Variants in CACNA1I observed in about 807,000 individuals in gnomAD.
CACNA1I encodes voltage-dependent T-type calcium channel subunit alpha-1I.
Under a neutral mutation model 201.6 loss-of-function variants are expected in CACNA1I, and 74 were observed. That is an observed-to-expected ratio of 0.37 (90% CI 0.30 to 0.45). The LOEUF is 0.45. Ranked by LOEUF, CACNA1I falls within the 20% of genes least tolerant of loss-of-function variation. The probability of loss-of-function intolerance (pLI) is 1.00; values close to 1 mark genes in which losing one functional copy is unlikely to be tolerated. For synonymous variants in CACNA1I, 1,431 were observed against 1,345.2 expected, an observed-to-expected ratio of 1.06 and a Z score of -1.40; for missense variants, 2,346 against 3,138.1, an observed-to-expected ratio of 0.75 and a Z score of 6.03.
chr22:39,625,296 C>T (rs956027508), intron 4 of CACNA1I, among the ~76,000 whole-genome samples: 11 of 152,142 alleles, frequency 7.2e-5, no homozygotes, highest in African/African-American at 1.2e-4. Context: ...AGTCAAATGA[C>T]GGGTTATTAA....
chr22:39,588,933 G>T (rs751671743), intron 1 of CACNA1I, among the ~76,000 whole-genome samples: 2 of 152,350 alleles, frequency 1.3e-5, no homozygotes, highest in Middle Eastern at 3.4e-3. Flanking sequence ...GCTGTTGTGT[G>T]TTTCAGTTGC....
intron 10 of CACNA1I, among the ~76,000 whole-genome samples, chr22:39,650,478 C>G (rs1023328995): frequency 5.3e-5 from 8 of 152,282 alleles, no homozygotes; most frequent in African/African-American, 9.6e-5. Context: ...CCATTCCCCC[C>G]CAAACAGCTG....
intron 5 of CACNA1I, among the ~76,000 whole-genome samples, chr22:39,640,303 TG>T (rs1004632024): frequency 6.6e-6 from 1 of 151,968 alleles, no homozygotes; most frequent in Non-Finnish European, 1.5e-5. Flanking sequence ...ACAGGAGAAT[TG>T]CTTGAACCCA....
chr22:39,663,546 C>T (rs184684049), intron 18 of CACNA1I, among the ~76,000 whole-genome samples, 172 bp from the exon 19 acceptor site: 3 of 152,242 alleles, frequency 2.0e-5, no homozygotes, highest in South Asian at 2.1e-4. Context: ...GAGGAGGCAG[C>T]GCCAGGTGGG....
At chr22:39,578,158 T>C (rs1569044428) in intron 1 of CACNA1I, among the ~76,000 whole-genome samples, 1 of 152,006 alleles carries the variant, frequency 6.6e-6, no homozygotes, top group Non-Finnish European at 1.5e-5. Flanking sequence ...CCTGGAGAGC[T>C]GTAAGTGTGT....
Position 39,659,499 on chromosome 22 carries a change from C to G in CACNA1I, c.2397C>G (p.Pro799=). ...GCACGGACACTGGAGACACGGTGCC[C>G]GACAGGAAGAACTTCGACTCCCTGC... ...SLRTDTGDTV[P]DRKNFDSLLW... The change falls in exon 13 of 37, where the codon CCC becomes CCG. Residue 799 remains proline (P), a synonymous_variant. Transcript: ENST00000402142. This position sits in a 1 kb window ranked among gnomAD's most constrained non-coding sequence, Gnocchi z 4.3. 6.3e-7 allele frequency: 1 copy of G among 1,591,656 alleles called. No homozygotes were observed. The highest frequency in any genetic ancestry group is 8.6e-7 in the Non-Finnish European group (1 of 1,168,256).
intron 1 of CACNA1I, among the ~76,000 whole-genome samples, chr22:39,573,843 G>A (rs1022993902): frequency 5.9e-5 from 9 of 152,190 alleles, no homozygotes; most frequent in African/African-American, 1.9e-4. Flanking sequence ...CTGGTTTCGG[G>A]AGGAGCTGGG....
chr22:39,616,095 G>A (rs964129842), intron 3 of CACNA1I, among the ~76,000 whole-genome samples: 1 of 152,182 alleles, frequency 6.6e-6, no homozygotes, highest in Non-Finnish European at 1.5e-5. Flanking sequence ...TTCCCGTGCT[G>A]AAGACCCAGA....
intron 1 of CACNA1I, among the ~76,000 whole-genome samples, chr22:39,582,213 A>T (rs1411162803): frequency 6.6e-6 from 1 of 152,186 alleles, no homozygotes; most frequent in African/African-American, 2.4e-5. Flanking sequence ...TTCACCAAGT[A>T]CAAGCTTGAC....
intron 5 of CACNA1I, among the ~76,000 whole-genome samples, chr22:39,635,909 C>T (rs1181711757): frequency 2.0e-5 from 3 of 152,180 alleles, no homozygotes; most frequent in Non-Finnish European, 2.9e-5. Context: ...CTCGCCATCA[C>T]ACAGCCCTGC....
In CACNA1I at chr22:39,659,925, G is replaced by C. The variant is rs146891733; in HGVS notation, c.2604+73G>C. On this transcript the variant is annotated intron_variant, in intron 14 of 36. Coordinates refer to ENST00000402142, the MANE Select transcript of CACNA1I (RefSeq NM_021096.4). The surrounding 1 kb of genome is among the most constrained non-coding windows in gnomAD (Gnocchi z 4.3). ...GACTGGGCGAGGGAGAGGTGGCCTG[G>C]ATGGGGGAGGGCTGCAATTCAAACT... 1.2e-3 allele frequency: 1,876 copies of C among 1,565,466 alleles called. 3 individuals are homozygous for C. Among genetic ancestry groups the C allele is most frequent in the Non-Finnish European group, 1.5e-3 (1,693 of 1,139,466 alleles).
intron 1 of CACNA1I, among the ~76,000 whole-genome samples, chr22:39,593,296 A>C (rs1213517879): frequency 6.6e-6 from 1 of 151,958 alleles, no homozygotes; most frequent in African/African-American, 2.4e-5. Flanking sequence ...TCCCCAGGGG[A>C]TTGTGAGAGC....
In CACNA1I at chr22:39,639,082, C is replaced by T. The variant is rs987328744; in HGVS notation, c.741-1785C>T. Among the ~76,000 whole-genome samples, 4 of 152,236 alleles carry T rather than the reference C, an allele frequency of 2.6e-5. No homozygotes were observed. In the East Asian group the frequency reaches 5.8e-4, roughly 22 times the overall value. ...TTTGTATGTTGCGAATACTTAATCCCATTCAACAGCAAACTATGGCCTGTT... is the reference window on the plus strand; with the variant it reads ...TTTGTATGTTGCGAATACTTAATCCTATTCAACAGCAAACTATGGCCTGTT... On this transcript the variant is annotated intron_variant, in intron 5 of 36. Coordinates refer to ENST00000402142, the MANE Select transcript of CACNA1I (RefSeq NM_021096.4).
chr22:39,668,231 G>GGA, intron 23 of CACNA1I, 61 bp from the exon 24 acceptor site: 1 of 970,350 alleles, frequency 1.0e-6, no homozygotes, highest in South Asian at 1.4e-5. Context: ...GAGGAGGGGT[G>GGA]GCTGCAGCTG....
chr22:39,645,670 C>T (rs1934466988), intron 7 of CACNA1I, among the ~76,000 whole-genome samples: 1 of 152,182 alleles, frequency 6.6e-6, no homozygotes, highest in South Asian at 2.1e-4. Flanking sequence ...AACCTCCTGG[C>T]GGGCACCTCC....
chr22:39,591,881 G>A (rs1272791017), intron 1 of CACNA1I, among the ~76,000 whole-genome samples: 1 of 152,244 alleles, frequency 6.6e-6, no homozygotes, highest in African/African-American at 2.4e-5. Context: ...TTGATTTGGA[G>A]GCTCCTTGGC....
chr22:39,606,424 C>G (rs1266309656), intron 3 of CACNA1I, among the ~76,000 whole-genome samples: 3 of 152,254 alleles, frequency 2.0e-5, no homozygotes, highest in Non-Finnish European at 4.4e-5. Flanking sequence ...ACTTCCTGCA[C>G]TCGCACAGCT....
chr22:39,595,184 G>T (rs1242700141), intron 1 of CACNA1I, among the ~76,000 whole-genome samples: 7 of 151,952 alleles, frequency 4.6e-5, no homozygotes. Flanking sequence ...AGCTGCTCAG[G>T]AGGTTGAGGC....
intron 20 of CACNA1I, 113 bp from the exon 21 acceptor site, chr22:39,664,626 C>CCCCCCCCCCCCCA: frequency 2.2e-6 from 1 of 457,528 alleles, no homozygotes; most frequent in South Asian, 2.1e-5. Flanking sequence ...ACCCCGCCCC[C>CCCCCCCCCCCCCA]TCCCCGAAGC....
Sources: gnomAD v4.1 joint callset for allele counts (sites outside exome capture counted in the v4.1 genomes callset) on GRCh38, gnomAD v4.1.1 for gene constraint, Gnocchi (gnomAD v3.1) non-coding constraint, MANE v1.5 for transcripts, NCBI Gene and HGNC (gene_info 2026-07-23, HGNC 2026-07-21) for gene names.